Variants in TAF6 observed in about 807,000 individuals in gnomAD.
The protein encoded by TAF6 is transcription initiation factor TFIID subunit 6.
Under a neutral mutation model 73.5 loss-of-function variants are expected in TAF6, and 50 were observed. The observed-to-expected ratio is 0.68, with a 90% CI of 0.54 to 0.86. The LOEUF is 0.86. Among genes scored for constraint, TAF6 ranks in the 40% least tolerant of loss-of-function variants. The pLI, the probability that TAF6 is intolerant of heterozygous loss-of-function variation, is 0.00. For missense variants in TAF6, 768 were observed against 899.5 expected, an observed-to-expected ratio of 0.85 and a Z score of 1.87; for synonymous variants, 424 against 376.7, an observed-to-expected ratio of 1.13 and a Z score of -1.45.
the TAF6 span, chr7:100,126,898 GC>G: frequency 1.9e-5 from 3 of 155,234 alleles, no homozygotes; most frequent in African/African-American, 4.8e-5. Context: ...GCCCAGCCAG[GC>G]AGCCTCCTCG....
At chr7:100,112,291 C>T in intron 6 of TAF6, 38 bp from the exon 7 acceptor site, 1 of 1,595,114 alleles carries the variant, frequency 6.3e-7, no homozygotes, top group Middle Eastern at 1.8e-4. Context: ...AAAGAAAGCT[C>T]CAGAAGAAAC....
At chr7:100,113,015 AG>A in intron 5 of TAF6, 98 bp from the exon 6 acceptor site, 1 of 1,501,218 alleles carries the variant, frequency 6.7e-7, no homozygotes, top group East Asian at 2.3e-5. Context: ...CTGTAATCCC[AG>A]CACTTTGGGA....
At chr7:100,122,325 T>C (rs758348174), upstream of TAF6, 2 of 1,614,124 alleles carry the variant, frequency 1.2e-6, no homozygotes, top group Admixed American at 3.3e-5. Context: ...CGAGAGGTGC[T>C]GGAGCTGGGG....
At chr7:100,115,936 A>G (rs1177808135) in intron 1 of TAF6, among the ~76,000 whole-genome samples, 1 of 151,740 alleles carries the variant, frequency 6.6e-6, no homozygotes, top group Non-Finnish European at 1.5e-5. Context: ...GTGCCACTGG[A>G]CTCCAGCCTG....
upstream of TAF6, chr7:100,121,117 T>TATATATATATATA (rs1491228284): frequency 5.1e-4 from 18 of 35,124 alleles, no homozygotes; most frequent in South Asian, 1.3e-3. Flanking sequence ...TATATATATA[T>TATATATATATATA]TTTTTTTTTT....
upstream of TAF6, chr7:100,124,816 GGAGGAA>G (rs1309817476): frequency 8.1e-6 from 13 of 1,613,524 alleles, 1 homozygote; most frequent in African/African-American, 1.3e-4. Flanking sequence ...AGGAGGAAGA[GGAGGAA>G]GAGGAAGGGG....
At chr7:100,126,054 C>A in the TAF6 span, among the ~76,000 whole-genome samples, 4 of 152,020 alleles carry the variant, frequency 2.6e-5, no homozygotes, top group African/African-American at 9.7e-5. Flanking sequence ...GGTGTGGTGG[C>A]AGGCGCCTGC....
upstream of TAF6, chr7:100,122,766 A>C (rs369027804): frequency 3.0e-5 from 48 of 1,607,792 alleles, no homozygotes; most frequent in Non-Finnish European, 4.1e-5. Flanking sequence ...GGCTGATGCC[A>C]AATTCTTAAT....
Position 100,107,541 on chromosome 7 carries a change from G to C in TAF6, c.1739C>G (p.Pro580Arg). 1 of 1,614,090 alleles carries C rather than the reference G, an allele frequency of 6.2e-7. No homozygotes were observed. The highest frequency in any genetic ancestry group is 8.5e-7 in the Non-Finnish European group (1 of 1,179,998). ...PVTTTVPSVQPIVKLVSTATT... is the reference protein window; with the variant it reads ...PVTTTVPSVQRIVKLVSTATT... ...GGCGGTGGAGACCAACTTGACGATGGGCTGCACGCTGGGGACGGTGGTGGT... is the reference window on the plus strand; with the variant it reads ...GGCGGTGGAGACCAACTTGACGATGCGCTGCACGCTGGGGACGGTGGTGGT... Residue 580 changes from proline (P) to arginine (R), a missense_variant, in exon 15 of 15, where the codon CCC (proline) becomes CGC (arginine). Around this residue, in one of 5 missense-constraint regions of TAF6, gnomAD observed 350 missense variants for 352.3 expected, o/e 0.99. Coordinates refer to ENST00000453269, the MANE Select transcript of TAF6 (RefSeq NM_139315.3).
At chr7:100,109,356 T>C (rs941894676) in intron 12 of TAF6, among the ~76,000 whole-genome samples, 6 of 150,044 alleles carry the variant, frequency 4.0e-5, no homozygotes, top group Admixed American at 2.7e-4. Context: ...AAAGAAAACA[T>C]GGGCACTAAT....
chr7:100,107,196 G>T lies in TAF6; in HGVS notation c.*50C>A. Reference sequence around the variant, plus strand: ...CGAGCATGCATGTGTGTACGTGCACGTGTGTACATGTCTGCATGTGTGGGA... The same window carrying T: ...CGAGCATGCATGTGTGTACGTGCACTTGTGTACATGTCTGCATGTGTGGGA... On this transcript the variant is annotated 3_prime_UTR_variant, in exon 15 of 15. Transcript: ENST00000453269. 2.0e-6 allele frequency: 3 copies of T among 1,518,866 alleles called. No individual in the cohort carries two copies. The highest frequency in any genetic ancestry group is 1.3e-5 in the South Asian group (1 of 75,410). 94.1% of individuals were successfully genotyped at this position (1,518,866 alleles called of 1,614,324 possible).
chr7:100,122,879 C>CGTG, upstream of TAF6: 1 of 1,613,416 alleles, frequency 6.2e-7, no homozygotes, highest in Non-Finnish European at 8.5e-7. Context: ...ATGAGCCCAG[C>CGTG]GTGGAGGTCA....
chr7:100,110,119 G>T, intron 11 of TAF6, 46 bp from the exon 12 acceptor site: 2 of 1,613,930 alleles, frequency 1.2e-6, no homozygotes, highest in Non-Finnish European at 1.7e-6. Context: ...GGTCACCAGG[G>T]TCTCCCAGAT....
intron 1 of TAF6, among the ~76,000 whole-genome samples, chr7:100,115,025 T>A (rs1797558897): frequency 6.6e-6 from 1 of 151,926 alleles, no homozygotes; most frequent in African/African-American, 2.4e-5. Context: ...CACAGCCAAT[T>A]TTTTGCAGGG....
At chr7:100,108,650 A>T in intron 12 of TAF6, 110 bp from the exon 13 acceptor site, 2 of 1,265,712 alleles carry the variant, frequency 1.6e-6, no homozygotes, top group Non-Finnish European at 2.2e-6. Context: ...GTAAAAAAGG[A>T]CATTCCTTAT....
Position 100,114,132 on chromosome 7 carries a change from C to G in TAF6, c.78G>C (p.Met26Ile). Reference protein sequence around the residue: ...SESMKVVAESMGIAQIQEETC... With the variant: ...SESMKVVAESIGIAQIQEETC... The stretch of plus-strand genomic sequence containing the variant: ...TCTCCTCCTGAATCTGGGCGATGCC[C>G]ATGGATTCAGCCACCACCTTCATGG... The change falls in exon 2 of 15, where the codon ATG (methionine) becomes ATC (isoleucine). Residue 26 changes from methionine to isoleucine, a missense_variant. Coordinates refer to ENST00000453269, the MANE Select transcript of TAF6 (RefSeq NM_139315.3). The G allele has an allele frequency of 5.0e-6, 8 of 1,614,244 alleles. No homozygotes were observed. The highest frequency in any genetic ancestry group is 6.8e-6 in the Non-Finnish European group (8 of 1,180,042).
chr7:100,113,615 C>G lies in TAF6; in HGVS notation c.397+1G>C, dbSNP rs757756895. ...GCCACCCTGCTCTCCCCTCCCCCAA[C>G]CTTTGAGGCAGACGTCCAGGGGCAC... On this transcript the variant is annotated splice_donor_variant, in intron 4 of 14. Coordinates refer to ENST00000453269, the MANE Select transcript of TAF6 (RefSeq NM_139315.3). LOFTEE classifies it high-confidence loss of function. 1.9e-6 allele frequency: 3 copies of G among 1,613,988 alleles called. No individual in the cohort carries two copies. In the South Asian group the frequency reaches 3.3e-5, roughly 18 times the overall value.
Position 100,112,294 on chromosome 7 carries a change from G to A in TAF6, c.575-41C>T, listed in dbSNP as rs765930451. 6.3e-6 allele frequency: 10 copies of A among 1,595,020 alleles called. No homozygotes were observed. The African/African-American group carries it at 8.1e-5, about 13-fold the overall frequency. The stretch of plus-strand genomic sequence containing the variant: ...GGTGGGTCTGACAAAGAAAGCTCCA[G>A]AAGAAACCTCAGTAACAGAAGAACC... On this transcript the variant is annotated intron_variant, in intron 6 of 14. Coordinates refer to ENST00000453269, the MANE Select transcript of TAF6 (RefSeq NM_139315.3).
At chr7:100,114,672 A>G (rs892984513) in intron 1 of TAF6, 2 of 309,202 alleles carry the variant, frequency 6.5e-6, no homozygotes, top group Non-Finnish European at 1.2e-5. Flanking sequence ...GTGAGCCGAG[A>G]TCACGCCACT....
Sources: gnomAD v4.1 joint callset for allele counts (sites outside exome capture counted in the v4.1 genomes callset) on GRCh38, gnomAD v4.1.1 for gene constraint, gnomAD v4.1.1 regional missense constraint, MANE v1.5 for transcripts, NCBI Gene and HGNC (gene_info 2026-07-23, HGNC 2026-07-21) for gene names.